FOXN3: variants seen among roughly 807,000 people sequenced by gnomAD.
The protein encoded by FOXN3 is forkhead box protein N3.
In FOXN3, 7 loss-of-function variants were observed where a neutral mutation model predicts 38.4. That is an observed-to-expected ratio of 0.18 (90% CI 0.10 to 0.34). FOXN3 has a LOEUF of 0.34. Among genes scored for constraint, FOXN3 ranks in the 10% least tolerant of loss-of-function variants. FOXN3 has a pLI of 1.00. For synonymous variants in FOXN3, 230 were observed against 242.2 expected (o/e 0.95, Z 0.47); for missense variants, 456 against 613.4 (o/e 0.74, Z 2.71).
chr14:89,358,759 G>A (rs1056807647), intron 2 of FOXN3, among the ~76,000 whole-genome samples: 2 of 152,234 alleles, frequency 1.3e-5, no homozygotes, highest in African/African-American at 4.8e-5. Context: ...GGGTCAGTGA[G>A]AAACACATTA....
chr14:89,218,853 A>G lies in FOXN3; in HGVS notation c.746-38047T>C, dbSNP rs537909420. On this transcript the variant is annotated intron_variant, in intron 4 of 5. Transcript: ENST00000557258. Reference sequence around the variant, plus strand: ...CAGTCACCATTATGACCCTACTTCTATTGTACGTTTTGTGGCATTAGGAAC... The same window carrying G: ...CAGTCACCATTATGACCCTACTTCTGTTGTACGTTTTGTGGCATTAGGAAC... Among the ~76,000 whole-genome samples the G allele has an allele frequency of 9.3e-4, 141 of 152,244 alleles. 2 individuals carry two copies. The highest frequency in any genetic ancestry group is 3.1e-3 in the African/African-American group (128 of 41,528).
chr14:89,311,690 G>A (rs1596174174), intron 3 of FOXN3, among the ~76,000 whole-genome samples: 1 of 151,578 alleles, frequency 6.6e-6, no homozygotes, highest in African/African-American at 2.4e-5. Flanking sequence ...GCCGGGCATG[G>A]TGGCACTTGC....
At chr14:89,431,823 T>G (rs867779205) in intron 1 of FOXN3, among the ~76,000 whole-genome samples, 2 of 152,122 alleles carry the variant, frequency 1.3e-5, no homozygotes, top group Non-Finnish European at 2.9e-5. Flanking sequence ...CAAGCAATTC[T>G]CCTGCCTCAG....
intron 3 of FOXN3, among the ~76,000 whole-genome samples, chr14:89,343,724 CAA>C (rs202042499): frequency 9.6e-6 from 1 of 104,182 alleles, no homozygotes; most frequent in Non-Finnish European, 2.1e-5. Context: ...GAATTTATTC[CAA>C]AAAAAAAAAA....
chr14:89,278,304 G>T (rs1886359218), intron 4 of FOXN3, among the ~76,000 whole-genome samples: 1 of 152,080 alleles, frequency 6.6e-6, no homozygotes, highest in Non-Finnish European at 1.5e-5. Context: ...ACCACCACGA[G>T]AACAGTATGT....
intron 3 of FOXN3, among the ~76,000 whole-genome samples, chr14:89,303,502 A>G: frequency 8.5e-6 from 1 of 118,020 alleles, no homozygotes; most frequent in East Asian, 2.6e-4. Flanking sequence ...CTGCTAAAAA[A>G]AAAAAACAAA....
chr14:89,503,667 G>A (rs1021272900), intron 1 of FOXN3, among the ~76,000 whole-genome samples: 21 of 152,198 alleles, frequency 1.4e-4, no homozygotes, highest in African/African-American at 4.6e-4. Flanking sequence ...CAGTAGGACC[G>A]AGTCAGGGAC....
Position 89,511,238 on chromosome 14 carries a change from T to TTTCC in FOXN3, c.-14-98749_-14-98748insGGAA, listed in dbSNP as rs1894075437. Among the ~76,000 whole-genome samples the TTTCC allele has an allele frequency of 7.6e-4, 17 of 22,382 alleles. 4 individuals are homozygous for TTTCC. Among genetic ancestry groups the TTTCC allele is most frequent in the African/African-American group, 1.3e-3 (17 of 13,456 alleles). The allele number at this position is 22,382 out of a possible 152,430, so 14.7% of individuals were successfully genotyped here. A position where few individuals can be genotyped will look rare whatever the true frequency, so the allele number is the denominator to read the frequency against. ...TTCTTTCTTTCTTTCTTTTCTTTCCTTTTCTTTCTTTTCTTTCTTTCTTTC... is the reference window on the plus strand; with the variant it reads ...TTCTTTCTTTCTTTCTTTTCTTTCCTTTCCTTTCTTTCTTTTCTTTCTTTCTTTC... On this transcript the variant is annotated intron_variant, in intron 1 of 6. Transcript: ENST00000345097.
At chr14:89,239,070 T>G (rs1028333856) in intron 4 of FOXN3, among the ~76,000 whole-genome samples, 7 of 152,130 alleles carry the variant, frequency 4.6e-5, no homozygotes, top group African/African-American at 1.7e-4. Flanking sequence ...AATCTATGAA[T>G]GAGATAGTGT....
At chr14:89,546,329 C>CTTTCTTTTTTT (rs1555359724) in intron 1 of FOXN3, among the ~76,000 whole-genome samples, 54 of 78,330 alleles carry the variant, frequency 6.9e-4, no homozygotes, top group African/African-American at 2.8e-3. Flanking sequence ...TTTCCTTTTT[C>CTTTCTTTTTTT]TTTTTTTTTT....
intron 1 of FOXN3, among the ~76,000 whole-genome samples, chr14:89,466,500 G>A (rs1037974178): frequency 6.6e-6 from 1 of 152,148 alleles, no homozygotes; most frequent in Non-Finnish European, 1.5e-5. Context: ...TGTCCATGTT[G>A]GAAACGTGCT....
chr14:89,539,001 G>A (rs572878693), intron 1 of FOXN3, among the ~76,000 whole-genome samples: 7 of 151,796 alleles, frequency 4.6e-5, no homozygotes, highest in Non-Finnish European at 1.0e-4. Flanking sequence ...CCGCCACCAC[G>A]TCTGGCTAAT....
intron 2 of FOXN3, among the ~76,000 whole-genome samples, chr14:89,374,645 C>T (rs1024567389): frequency 2.0e-5 from 3 of 152,142 alleles, no homozygotes; most frequent in Admixed American, 6.5e-5. Context: ...TTCTCAAAAA[C>T]ATTATGCAGA....
At chr14:89,279,129 A>G (rs1340158223) in intron 4 of FOXN3, among the ~76,000 whole-genome samples, 2 of 152,114 alleles carry the variant, frequency 1.3e-5, no homozygotes, top group African/African-American at 4.8e-5. Flanking sequence ...ATCTCTGCCC[A>G]CCCTCCCAAG....
intron 4 of FOXN3, among the ~76,000 whole-genome samples, chr14:89,204,862 CATT>C (rs1175801170): frequency 2.0e-5 from 3 of 151,658 alleles, no homozygotes; most frequent in African/African-American, 7.3e-5. Context: ...ATCCATCCAT[CATT>C]GAGAACAAAA....
At chr14:89,200,375 T>C (rs753898113) in intron 4 of FOXN3, among the ~76,000 whole-genome samples, 5 of 152,182 alleles carry the variant, frequency 3.3e-5, no homozygotes, top group Admixed American at 6.5e-5. Flanking sequence ...AAGGGGATTC[T>C]AGGAAAAGCT....
At position 89,412,954 on chromosome 14, in the gene FOXN3, AG is replaced by A. The variant is rs141910581; in HGVS notation, c.-14-465del. On this transcript the variant is annotated intron_variant, in intron 1 of 5. Transcript: ENST00000557258. This position sits in a 1 kb window ranked among gnomAD's most constrained non-coding sequence, Gnocchi z 4.7. ...GTAAGATAAGCCATTAACTGAAATT[AG>A]AGCTGGTGAAAAAAGTCAGGAGAGC... 0.15 allele frequency among the ~76,000 whole-genome samples: 23,116 copies of A among 152,250 alleles called. 1,827 individuals are homozygous for A. The highest frequency in any genetic ancestry group is 0.19 in the East Asian group (1,000 of 5,178).
At chr14:89,360,750 ACCACCACCT>A (rs1889483673) in intron 2 of FOXN3, among the ~76,000 whole-genome samples, 1 of 119,880 alleles carries the variant, frequency 8.3e-6, no homozygotes, top group African/African-American at 3.7e-5. Flanking sequence ...CACCACCTCC[ACCACCACCT>A]CCACCACTAC....
intron 3 of FOXN3, among the ~76,000 whole-genome samples, chr14:89,342,697 A>G (rs867968102): frequency 1.3e-4 from 20 of 152,290 alleles, no homozygotes; most frequent in Middle Eastern, 3.4e-3. Context: ...ACTTTACTGC[A>G]TTAATTTACC....
Sources: allele counts gnomAD v4.1 joint callset (sites outside exome capture counted in the v4.1 genomes callset), GRCh38; gene constraint gnomAD v4.1.1; non-coding constraint Gnocchi (gnomAD v3.1); transcripts MANE v1.5; gene names NCBI Gene and HGNC (gene_info 2026-07-23, HGNC 2026-07-21).